The following NMT2 variants were observed in gnomAD, a reference collection of about 807,000 sequenced individuals.
The protein encoded by NMT2 is N-myristoyltransferase 2.
In NMT2, 35 loss-of-function variants were observed where a neutral mutation model predicts 65.4. That is an observed-to-expected ratio of 0.54 (90% CI 0.41 to 0.71). The LOEUF is 0.71. Ranked by LOEUF, NMT2 falls within the 30% of genes least tolerant of loss-of-function variation. The probability of loss-of-function intolerance (pLI) is 0.00; values close to 1 mark genes in which losing one functional copy is unlikely to be tolerated. For missense variants in NMT2, 489 were observed against 611.3 expected (o/e 0.80, Z 2.11); for synonymous variants, 226 against 231.8 (o/e 0.98, Z 0.23).
intron 8 of NMT2, among the ~76,000 whole-genome samples, chr10:15,127,546 C>CAAA (rs1239422956): frequency 8.6e-4 from 44 of 51,362 alleles, no homozygotes; most frequent in East Asian, 4.2e-3. Context: ...GACTCCGTCT[C>CAAA]AAAAAAAAAA....
At chr10:15,147,765 T>C (rs1015921157) in intron 1 of NMT2, among the ~76,000 whole-genome samples, 2 of 152,198 alleles carry the variant, frequency 1.3e-5, no homozygotes, top group Non-Finnish European at 2.9e-5. Flanking sequence ...ATTTAGTAGA[T>C]GCTCAAGTAA....
intron 9 of NMT2, among the ~76,000 whole-genome samples, chr10:15,113,242 G>A (rs555785952): frequency 9.2e-4 from 140 of 151,910 alleles, no homozygotes; most frequent in African/African-American, 3.2e-3. Context: ...AGGATGAGGC[G>A]TGTGGATCAT....
At chr10:15,153,087 T>C (rs1832858954) in intron 1 of NMT2, among the ~76,000 whole-genome samples, 1 of 151,774 alleles carries the variant, frequency 6.6e-6, no homozygotes, top group African/African-American at 2.4e-5. Context: ...GCTCTCTCTA[T>C]ATATAGAGAG....
At chr10:15,140,101 T>C (rs1181393200) in intron 2 of NMT2, among the ~76,000 whole-genome samples, 1 of 151,610 alleles carries the variant, frequency 6.6e-6, no homozygotes, top group Non-Finnish European at 1.5e-5. Flanking sequence ...TTGAGCTGTT[T>C]CCACAATACC....
rs1251922092 is a variant in NMT2 at position 15,108,034 on chromosome 10, A to G, written c.*1161T>C. 2.0e-6 allele frequency: 2 copies of G among 985,806 alleles called. No homozygotes were observed. The highest frequency in any genetic ancestry group is 6.1e-5 in the Admixed American group (1 of 16,280). The allele number at this position is 985,806 out of a possible 1,614,324, so 61.1% of individuals were successfully genotyped here. A position where few individuals can be genotyped will look rare whatever the true frequency, so the allele number is the denominator to read the frequency against. On this transcript the variant is annotated 3_prime_UTR_variant, in exon 12 of 12. Transcript: ENST00000378165. ...AGTAATAAAAACATTCAAACTATCA[A>G]TGCCCTGATAGCACGAATAAGTTCC...
chr10:15,156,115 T>C (rs374922505), intron 1 of NMT2, among the ~76,000 whole-genome samples: 1 of 152,192 alleles, frequency 6.6e-6, no homozygotes, highest in South Asian at 2.1e-4. Flanking sequence ...AAGGCGGTGA[T>C]GTGGTTTGGG....
At position 15,109,846 on chromosome 10, in the gene NMT2, AT is replaced by A; in HGVS notation, c.1339-8del. On this transcript the variant is annotated splice_polypyrimidine_tract_variant and splice_region_variant and intron_variant, in intron 10 of 11. Coordinates refer to ENST00000378165, the MANE Select transcript of NMT2 (RefSeq NM_004808.3). ...TGAATACATCAAATCCTTTCTGCCA[AT>A]TTAAAAAAGATTTAAAATTTAAAAC... 6.3e-7 allele frequency: 1 copy of A among 1,593,984 alleles called. No homozygotes were observed.
At chr10:15,141,686 T>G in intron 1 of NMT2, 129 bp from the exon 2 acceptor site, 1 of 1,226,022 alleles carries the variant, frequency 8.2e-7, no homozygotes, top group Non-Finnish European at 1.1e-6. Context: ...TGTGTTAGGA[T>G]GTAGGTGAGG....
chr10:15,161,500 C>T (rs373239253), intron 1 of NMT2, among the ~76,000 whole-genome samples: 14 of 152,200 alleles, frequency 9.2e-5, no homozygotes, highest in Middle Eastern at 3.4e-3. Flanking sequence ...AGATTACATA[C>T]GCCCGCCACC....
rs1564555391 is a variant in NMT2 at position 15,109,740 on chromosome 10, G to A, written c.1438C>T (p.Leu480=). The change falls in exon 11 of 12, where the codon CTG becomes TTG. Residue 480 remains leucine, a synonymous_variant. Coordinates refer to ENST00000378165, the MANE Select transcript of NMT2 (RefSeq NM_004808.3). ...GIGDGNLQYY[L]YNWRCPGTDS... is the part of the protein sequence containing the mutation. ...GTACCTGGACACCTCCAATTGTACA[G>A]GTAATACTGCAAATTGCCATCTCCT... 1 of 1,613,620 alleles carries A rather than the reference G, an allele frequency of 6.2e-7. No individual in the cohort carries two copies. The highest frequency in any genetic ancestry group is 8.5e-7 in the Non-Finnish European group (1 of 1,179,826).
chr10:15,146,596 A>G (rs1047555971), intron 1 of NMT2, among the ~76,000 whole-genome samples: 19 of 152,190 alleles, frequency 1.2e-4, no homozygotes, highest in South Asian at 2.1e-4. Flanking sequence ...CATAGGTGAG[A>G]GCCCCAAGGA....
intron 8 of NMT2, among the ~76,000 whole-genome samples, chr10:15,125,159 A>C (rs1846035988): frequency 6.6e-6 from 1 of 152,222 alleles, no homozygotes; most frequent in African/African-American, 2.4e-5. Context: ...TAAAATGGGG[A>C]TAAGAAGTAC....
intron 1 of NMT2, among the ~76,000 whole-genome samples, chr10:15,151,281 T>G (rs1248226040): frequency 2.6e-5 from 4 of 152,144 alleles, no homozygotes; most frequent in Non-Finnish European, 4.4e-5. Flanking sequence ...GGTCTTGAAC[T>G]CCCGACCTCA....
At chr10:15,167,749 T>G (rs1833422288) in intron 1 of NMT2, among the ~76,000 whole-genome samples, 2 of 152,154 alleles carry the variant, frequency 1.3e-5, no homozygotes, top group Admixed American at 1.3e-4. Context: ...GGGAAAGGAT[T>G]AAGAAATCCG....
rs1429637149 is a variant in NMT2 at position 15,108,706 on chromosome 10, T to C, written c.*489A>G. On this transcript the variant is annotated 3_prime_UTR_variant, in exon 12 of 12. Coordinates refer to ENST00000378165, the MANE Select transcript of NMT2 (RefSeq NM_004808.3). The stretch of plus-strand genomic sequence containing the variant: ...GCTACAGAAGTGTTGATTCCATAAA[T>C]GTTCCCAGTGATACCATGTAAGGTG... The C allele has an allele frequency of 1.3e-5, 13 of 996,210 alleles. No homozygotes were observed. The highest frequency in any genetic ancestry group is 1.4e-5 in the Non-Finnish European group (12 of 837,834). 61.7% of individuals were successfully genotyped at this position (996,210 alleles called of 1,614,324 possible).
chr10:15,148,475 TAC>T (rs1237731157), intron 1 of NMT2, among the ~76,000 whole-genome samples: 1 of 152,166 alleles, frequency 6.6e-6, no homozygotes, highest in East Asian at 1.9e-4. Context: ...ATCGTGCCAC[TAC>T]AGTCAGCCTG....
chr10:15,144,676 A>C (rs1846899463), intron 1 of NMT2, among the ~76,000 whole-genome samples: 1 of 152,074 alleles, frequency 6.6e-6, no homozygotes, highest in African/African-American at 2.4e-5. Flanking sequence ...GCTTGCAGTG[A>C]GCCGAGATTG....
chr10:15,142,341 T>A (rs1225020357), intron 1 of NMT2, among the ~76,000 whole-genome samples: 15 of 152,104 alleles, frequency 9.9e-5, no homozygotes. Flanking sequence ...GTGGATAGCT[T>A]GAGCCCAGGA....
chr10:15,108,368 G>C lies in NMT2; in HGVS notation c.*827C>G. 1.2e-5 allele frequency: 6 copies of C among 494,126 alleles called. No homozygotes were observed. Among genetic ancestry groups the C allele is most frequent in the Non-Finnish European group, 1.6e-5 (6 of 381,822 alleles). 30.6% of individuals were successfully genotyped at this position (494,126 alleles called of 1,614,324 possible). ...CGCCCGGCTAATTTTTGTATTTTTA[G>C]TAGAGATGGGGTTTCACTATGTTGG... On this transcript the variant is annotated 3_prime_UTR_variant, in exon 12 of 12. Transcript: ENST00000378165.
Sources: allele counts gnomAD v4.1 joint callset (sites outside exome capture counted in the v4.1 genomes callset), GRCh38; gene constraint gnomAD v4.1.1; transcripts MANE v1.5; gene names NCBI Gene and HGNC (gene_info 2026-07-23, HGNC 2026-07-21).